Variants in DHRS12 observed in about 807,000 individuals in gnomAD.
DHRS12 encodes the protein dehydrogenase/reductase SDR family member 12.
In DHRS12, 29 loss-of-function variants were observed where a neutral mutation model predicts 32.1. The observed-to-expected ratio is 0.90, with a 90% CI of 0.67 to 1.23. DHRS12 has a LOEUF of 1.23. DHRS12 is among the 50% of genes most tolerant of loss of function. DHRS12 has a pLI of 0.00. For missense variants in DHRS12, 330 were observed against 337.2 expected, an observed-to-expected ratio of 0.98 and a Z score of 0.17; for synonymous variants, 150 against 135.9, an observed-to-expected ratio of 1.10 and a Z score of -0.72.
downstream of DHRS12, chr13:51,764,078 A>C (rs1016293506): frequency 1.3e-5 from 2 of 152,218 alleles, no homozygotes; most frequent in African/African-American, 4.8e-5. Flanking sequence ...GTACGAAGAC[A>C]GATATTTATT....
chr13:51,787,811 TAA>T (rs1566296307), intron 4 of DHRS12, among the ~76,000 whole-genome samples: 4 of 124,344 alleles, frequency 3.2e-5, no homozygotes, highest in East Asian at 2.1e-4. Flanking sequence ...TATTTATATA[TAA>T]TTTATATATT....
chr13:51,792,393 TTTTG>T (rs1174664243), intron 2 of DHRS12, among the ~76,000 whole-genome samples: 2 of 152,120 alleles, frequency 1.3e-5, no homozygotes, highest in Non-Finnish European at 2.9e-5. Flanking sequence ...GCCATTTGTT[TTTTG>T]TTTGTTTTTT....
chr13:51,789,977 G>A, intron 4 of DHRS12, 34 bp downstream of exon 4: 2 of 1,551,606 alleles, frequency 1.3e-6, no homozygotes, highest in South Asian at 1.2e-5. Flanking sequence ...TGTTTATTTT[G>A]CTAAAAACAA....
chr13:51,803,065 G>A (rs181891850), intron 1 of DHRS12, among the ~76,000 whole-genome samples: 2 of 152,312 alleles, frequency 1.3e-5, no homozygotes, highest in East Asian at 3.9e-4. Context: ...TAAAAACTGT[G>A]GGACAGGGCT....
chr13:51,800,709 C>T (rs542241379), intron 1 of DHRS12, among the ~76,000 whole-genome samples: 2 of 152,318 alleles, frequency 1.3e-5, no homozygotes, highest in South Asian at 2.1e-4. Context: ...CTCTGGAACT[C>T]GGGGAAGTGG....
chr13:51,758,385 C>A, the DHRS12 span: 1 of 1,014,208 alleles, frequency 9.9e-7, no homozygotes, highest in Non-Finnish European at 1.5e-6. Context: ...AGGCACTGTT[C>A]TAAAGGTTAT....
intron 8 of DHRS12, 194 bp downstream of exon 8, chr13:51,768,962 A>C (rs1223847599): frequency 6.4e-6 from 9 of 1,404,506 alleles, no homozygotes; most frequent in Non-Finnish European, 7.4e-6. Context: ...TCTCCAAAGA[A>C]GCTACCAACC....
chr13:51,771,408 T>C (rs368509464), intron 7 of DHRS12: 33 of 1,614,022 alleles, frequency 2.0e-5, no homozygotes, highest in Non-Finnish European at 9.3e-6. Flanking sequence ...GCATTTACCT[T>C]CATGCATCAT....
At position 51,769,136 on chromosome 13, in the gene DHRS12, A is replaced by G. The variant is rs1021403413; in HGVS notation, c.697+20T>C. On this transcript the variant is annotated intron_variant, in intron 8 of 8. Coordinates refer to ENST00000444610, the MANE Select transcript of DHRS12 (RefSeq NM_001377533.1). ...CCCTAGCCCTGTGTCAGCTGCCTTC[A>G]CAGCCAGGGAGGAAGTCACCTTGAA... 1.9e-6 allele frequency: 3 copies of G among 1,548,758 alleles called. No homozygotes were observed. Among genetic ancestry groups the G allele is most frequent in the Non-Finnish European group, 2.6e-6 (3 of 1,146,880 alleles).
At chr13:51,768,686 CTT>C (rs1953867145) in intron 8 of DHRS12, 2 of 1,128,322 alleles carry the variant, frequency 1.8e-6, no homozygotes, top group African/African-American at 3.2e-5. Context: ...CAAGTGCTGT[CTT>C]CGGATGGCGT....
At chr13:51,785,958 A>G (rs1277183044) in intron 4 of DHRS12, among the ~76,000 whole-genome samples, 1 of 152,202 alleles carries the variant, frequency 6.6e-6, no homozygotes, top group Non-Finnish European at 1.5e-5. Context: ...AATCCAAGAA[A>G]AGCCTTCAGT....
chr13:51,757,197 G>T, the DHRS12 span, among the ~76,000 whole-genome samples: 1 of 152,078 alleles, frequency 6.6e-6, no homozygotes, highest in Non-Finnish European at 1.5e-5. Context: ...AAAATAAGAT[G>T]CCCTTGCATA....
At chr13:51,765,902 G>C (rs1158145083), downstream of DHRS12, 1 of 152,092 alleles carries the variant, frequency 6.6e-6, no homozygotes, top group Non-Finnish European at 1.5e-5. Flanking sequence ...GACTTTCTTG[G>C]AAGTGTCAAG....
chr13:51,756,749 A>C, the DHRS12 span: 9 of 650,938 alleles, frequency 1.4e-5, no homozygotes, highest in South Asian at 6.9e-5. Context: ...CTGTCTGCTC[A>C]TTTACTTGAG....
At position 51,773,852 on chromosome 13, in the gene DHRS12, C is replaced by A. The variant is rs570858884; in HGVS notation, c.468+78G>T. Reference sequence around the variant, plus strand: ...TACTAAGGTCCGATTAATGTGCATCCCAGAGTAAGCTTTCCTTGGAAAAGG... The same window carrying A: ...TACTAAGGTCCGATTAATGTGCATCACAGAGTAAGCTTTCCTTGGAAAAGG... On this transcript the variant is annotated intron_variant, in intron 6 of 8. Coordinates refer to ENST00000444610, the MANE Select transcript of DHRS12 (RefSeq NM_001377533.1). 4.8e-6 allele frequency: 6 copies of A among 1,241,990 alleles called. No homozygotes were observed. The South Asian group carries it at 6.1e-5, about 13-fold the overall frequency. The allele number at this position is 1,241,990 out of a possible 1,614,324, so 76.9% of individuals were successfully genotyped here.
intron 2 of DHRS12, among the ~76,000 whole-genome samples, chr13:51,791,734 G>T (rs746594489): frequency 6.6e-6 from 1 of 152,102 alleles, no homozygotes; most frequent in Non-Finnish European, 1.5e-5. Flanking sequence ...GAAACTTTGT[G>T]CCCTTTGATA....
chr13:51,768,223 A>G lies in DHRS12; in HGVS notation c.771T>C (p.Ile257=). ...TCTGAGCCAGCTGTTCCAGGATTTC[A>G]ATGAGTTTCTCCTCTTCGGCCGGTG... is the stretch of plus-strand genomic sequence containing the variant. ...SSSPAEEEKL[I]EILEQLAQTF... The change falls in exon 9 of 9, where the codon ATT becomes ATC. Residue 257 remains isoleucine, a synonymous_variant. Transcript: ENST00000444610. 2.0e-6 allele frequency: 3 copies of G among 1,536,128 alleles called. No homozygotes were observed. The highest frequency in any genetic ancestry group is 1.7e-6 in the Non-Finnish European group (2 of 1,146,912).
chr13:51,768,458 C>T, intron 8 of DHRS12, 162 bp from the exon 9 acceptor site: 1 of 1,443,198 alleles, frequency 6.9e-7, no homozygotes, highest in Non-Finnish European at 9.1e-7. Context: ...AGGGATCAGG[C>T]AGCATGGATT....
chr13:51,756,943 A>G, the DHRS12 span, among the ~76,000 whole-genome samples: 1 of 152,202 alleles, frequency 6.6e-6, no homozygotes, highest in Non-Finnish European at 1.5e-5. Flanking sequence ...AGACCTGCCC[A>G]GTAACCCAGG....
Sources: gnomAD v4.1 joint callset for allele counts (sites outside exome capture counted in the v4.1 genomes callset) on GRCh38, gnomAD v4.1.1 for gene constraint, MANE v1.5 for transcripts, NCBI Gene and HGNC (gene_info 2026-07-23, HGNC 2026-07-21) for gene names.